The following CWF19L2 variants were observed in gnomAD, a reference collection of about 807,000 sequenced individuals.
CWF19L2 encodes CWF19 like cell cycle control factor 2.
In CWF19L2, 98 loss-of-function variants were observed where a neutral mutation model predicts 111.7. That is an observed-to-expected ratio of 0.88 (90% CI 0.75 to 1.04). CWF19L2 has a LOEUF of 1.04. Among genes scored for constraint, CWF19L2 ranks in the 50% least tolerant of loss-of-function variants. CWF19L2 has a pLI of 0.00. For synonymous variants in CWF19L2, 351 were observed against 342.9 expected (o/e 1.02, Z -0.26); for missense variants, 1,101 against 1,051.4 (o/e 1.05, Z -0.65).
chr11:107,360,658 A>G (rs1485864547), intron 12 of CWF19L2, among the ~76,000 whole-genome samples: 1 of 152,208 alleles, frequency 6.6e-6, no homozygotes, highest in Non-Finnish European at 1.5e-5. Context: ...TTAGTTTTTT[A>G]AATTTTTAAT....
intron 9 of CWF19L2, 35 bp downstream of exon 9, chr11:107,418,159 T>C: frequency 1.6e-6 from 2 of 1,269,350 alleles, no homozygotes; most frequent in Non-Finnish European, 2.3e-6. Context: ...AAACATTTAA[T>C]CATTATTCTC....
In CWF19L2 at chr11:107,457,762, C is replaced by T. The variant is rs1298401547; in HGVS notation, c.55G>A (p.Glu19Lys). 1 of 1,551,632 alleles carries T rather than the reference C, an allele frequency of 6.4e-7. No homozygotes were observed. Among genetic ancestry groups the T allele is most frequent in the Non-Finnish European group, 8.7e-7 (1 of 1,146,996 alleles). The change falls in exon 1 of 18, where the codon GAA becomes AAA. Residue 19 changes from glutamate (E) to lysine (K), a missense_variant. Physicochemically the swap from Glu to Lys is moderately conservative, Grantham distance 56 (BLOSUM62 1). Transcript: ENST00000282251. ...SGRFESAKSI[E>K]ERKEQTRNAR... is the part of the protein sequence containing the mutation. ...TTCCGGGTCTGTTCTTTCCGCTCTTCGATACTCTTCGCACTTTCAAATCTA... is the reference window on the plus strand; with the variant it reads ...TTCCGGGTCTGTTCTTTCCGCTCTTTGATACTCTTCGCACTTTCAAATCTA...
At chr11:107,328,138 CAA>C (rs10578324) in intron 17 of CWF19L2, among the ~76,000 whole-genome samples, 54,245 of 117,990 alleles carry the variant, frequency 0.46, 10,655 homozygotes, top group African/African-American at 0.6. Context: ...TGTGGAGACT[CAA>C]AAAAAAAAAA....
At chr11:107,332,936 A>G (rs1203547514) in intron 16 of CWF19L2, among the ~76,000 whole-genome samples, 2 of 152,066 alleles carry the variant, frequency 1.3e-5, no homozygotes, top group African/African-American at 4.8e-5. Context: ...CCTGACCAAC[A>G]TGGTGAAACC....
chr11:107,392,773 A>G lies in CWF19L2; in HGVS notation c.1734+6T>C. 6.7e-7 allele frequency: 1 copy of G among 1,493,912 alleles called. No individual in the cohort carries two copies. Among genetic ancestry groups the G allele is most frequent in the Non-Finnish European group, 9.2e-7 (1 of 1,082,372 alleles). 92.5% of individuals were successfully genotyped at this position (1,493,912 alleles called of 1,614,324 possible). On this transcript the variant is annotated splice_donor_region_variant and intron_variant, in intron 11 of 17. Transcript: ENST00000282251. ...ATTAATAAACAAAGACATATGTTAA[A>G]CATACCATCTGTCTCTTTCTTCTTC...
At chr11:107,442,882 GAGGAAGGA>G (rs144259680) in intron 4 of CWF19L2, 49 bp downstream of exon 4, 2 of 706,620 alleles carry the variant, frequency 2.8e-6, no homozygotes, top group East Asian at 2.9e-5. Flanking sequence ...GGGAGGGAGG[GAGGAAGGA>G]AGGAAGGAAG....
chr11:107,361,416 T>G (rs1314816487), intron 12 of CWF19L2, among the ~76,000 whole-genome samples: 2 of 148,544 alleles, frequency 1.3e-5, no homozygotes, highest in South Asian at 4.2e-4. Context: ...CAGCTTTGGG[T>G]TTTTTTTATT....
chr11:107,401,592 C>T (rs1233602140), intron 10 of CWF19L2, among the ~76,000 whole-genome samples: 1 of 152,042 alleles, frequency 6.6e-6, no homozygotes, highest in East Asian at 1.9e-4. Flanking sequence ...ACGACACAAA[C>T]AAATAGAATC....
Position 107,436,726 on chromosome 11 carries a change from T to C in CWF19L2, c.664+2364A>G, listed in dbSNP as rs1008170416. ...TAAGCAAGAATTCCTACTAACTACA[T>C]GGTAATAAAAATAGTCTTCCACTAA... On this transcript the variant is annotated intron_variant, in intron 6 of 17. Coordinates refer to ENST00000282251, the MANE Select transcript of CWF19L2 (RefSeq NM_152434.3). Among the ~76,000 whole-genome samples the C allele has an allele frequency of 1.6e-4, 25 of 152,114 alleles. 1 individual carries two copies. Among genetic ancestry groups the C allele is most frequent in the Non-Finnish European group, 5.9e-5 (4 of 68,016 alleles).
chr11:107,380,538 G>A (rs899878254), intron 12 of CWF19L2, among the ~76,000 whole-genome samples: 1 of 152,064 alleles, frequency 6.6e-6, no homozygotes, highest in Non-Finnish European at 1.5e-5. Context: ...ACCAAGGATA[G>A]CTTTTACAAA....
At chr11:107,444,144 T>C (rs1861670497) in intron 3 of CWF19L2, among the ~76,000 whole-genome samples, 1 of 151,778 alleles carries the variant, frequency 6.6e-6, no homozygotes, top group East Asian at 1.9e-4. Flanking sequence ...CTTGACCCCG[T>C]ATATTCCTCC....
At chr11:107,407,396 C>T (rs889829585) in intron 10 of CWF19L2, among the ~76,000 whole-genome samples, 4 of 138,186 alleles carry the variant, frequency 2.9e-5, no homozygotes, top group African/African-American at 1.0e-4. Context: ...ACCCTTCCCC[C>T]TACCAAAAAA....
chr11:107,373,393 A>G lies in CWF19L2; in HGVS notation c.1872+16681T>C, dbSNP rs1025096300. ...CCTGTCTGACAGCTTTGAAGACAGCAGTGGTTCTCCCAGCACGCAGCTGAA... is the reference window on the plus strand; with the variant it reads ...CCTGTCTGACAGCTTTGAAGACAGCGGTGGTTCTCCCAGCACGCAGCTGAA... On this transcript the variant is annotated intron_variant, in intron 12 of 17. Transcript: ENST00000282251. Among the ~76,000 whole-genome samples, 11 of 135,336 alleles carry G rather than the reference A, an allele frequency of 8.1e-5. 2 individuals are homozygous for G. Among genetic ancestry groups the G allele is most frequent in the Middle Eastern group, 3.7e-3 (1 of 268 alleles). The allele number at this position is 135,336 out of a possible 152,430, so 88.8% of individuals were successfully genotyped here. A position where few individuals can be genotyped will look rare whatever the true frequency, so the allele number is the denominator to read the frequency against.
chr11:107,347,350 T>G (rs1860094654), intron 14 of CWF19L2, among the ~76,000 whole-genome samples: 1 of 152,118 alleles, frequency 6.6e-6, no homozygotes, highest in Non-Finnish European at 1.5e-5. Flanking sequence ...TTTTAATATA[T>G]CCAATAAAAG....
intron 10 of CWF19L2, among the ~76,000 whole-genome samples, chr11:107,402,871 GTGTATATATA>G (rs1317188559): frequency 0.013 from 750 of 57,104 alleles, 80 homozygotes; most frequent in African/African-American, 0.064. Context: ...AAACTGTGGT[GTGTATATATA>G]TATATATATA....
Position 107,385,699 on chromosome 11 carries a change from A to G in CWF19L2, c.1872+4375T>C, listed in dbSNP as rs151038305. The stretch of plus-strand genomic sequence containing the variant: ...GGAAAATTTCAGAAATAAACAATTC[A>G]TAAGTTTTAGATTGTATGGCATTCT... On this transcript the variant is annotated intron_variant, in intron 12 of 17. Coordinates refer to ENST00000282251, the MANE Select transcript of CWF19L2 (RefSeq NM_152434.3). Among the ~76,000 whole-genome samples the G allele has an allele frequency of 4.8e-3, 724 of 152,368 alleles. 6 individuals are homozygous for G. Among genetic ancestry groups the G allele is most frequent in the African/African-American group, 0.017 (695 of 41,586 alleles).
intron 12 of CWF19L2, among the ~76,000 whole-genome samples, chr11:107,359,534 T>G (rs1860291505): frequency 6.6e-6 from 1 of 152,190 alleles, no homozygotes; most frequent in Admixed American, 6.5e-5. Flanking sequence ...GAGTGACTAT[T>G]ACCCTTTGTG....
chr11:107,360,865 A>C (rs1424683813), intron 12 of CWF19L2, among the ~76,000 whole-genome samples: 1 of 152,152 alleles, frequency 6.6e-6, no homozygotes. Context: ...AGTTCCTTGT[A>C]TATTCTTGGA....
At chr11:107,385,528 G>T (rs1426391468) in intron 12 of CWF19L2, among the ~76,000 whole-genome samples, 1 of 152,118 alleles carries the variant, frequency 6.6e-6, no homozygotes, top group East Asian at 1.9e-4. Context: ...AAAATGTTTA[G>T]GGAAAGTAAT....
Sources: allele counts gnomAD v4.1 joint callset (sites outside exome capture counted in the v4.1 genomes callset), GRCh38; gene constraint gnomAD v4.1.1; transcripts MANE v1.5; gene names NCBI Gene and HGNC (gene_info 2026-07-23, HGNC 2026-07-21).